Variants in RSF1 observed in about 807,000 individuals in gnomAD.
RSF1 encodes the protein remodeling and spacing factor 1, also known as HBV pX-associated protein 8.
In RSF1, 13 loss-of-function variants were observed where a neutral mutation model predicts 145.2. That is an observed-to-expected ratio of 0.09 (90% confidence interval 0.06 to 0.14). The LOEUF (loss-of-function observed/expected upper bound fraction) is 0.14, where lower values mean the gene tolerates loss of function less well. Among genes scored for constraint, RSF1 ranks in the 10% least tolerant of loss-of-function variants. RSF1 has a pLI of 1.00. For synonymous variants in RSF1, 577 were observed against 592.6 expected, an observed-to-expected ratio of 0.97 and a Z score of 0.38; for missense variants, 1,517 against 1,718.2, an observed-to-expected ratio of 0.88 and a Z score of 2.07.
chr11:77,852,560 C>T, the RSF1 span, among the ~76,000 whole-genome samples: 1 of 152,110 alleles, frequency 6.6e-6, no homozygotes, highest in Non-Finnish European at 1.5e-5. Flanking sequence ...GATTACAATT[C>T]AACATGAGAT....
chr11:77,812,229 A>G (rs1451380472), intron 1 of RSF1, among the ~76,000 whole-genome samples: 1 of 152,208 alleles, frequency 6.6e-6, no homozygotes, highest in Non-Finnish European at 1.5e-5. Flanking sequence ...TCCTTTTAAA[A>G]AGCCTCTTTA....
chr11:77,729,843 T>C (rs1961153637), intron 4 of RSF1, among the ~76,000 whole-genome samples: 1 of 128,904 alleles, frequency 7.8e-6, no homozygotes, highest in Admixed American at 8.7e-5. Context: ...GATTCCAGAG[T>C]TGAGAAACAA....
chr11:77,687,245 G>A (rs1960033752), intron 9 of RSF1, among the ~76,000 whole-genome samples: 1 of 152,164 alleles, frequency 6.6e-6, no homozygotes, highest in South Asian at 2.1e-4. Flanking sequence ...GATTATTAGG[G>A]AGAATCAGCA....
At chr11:77,777,581 G>A (rs1022075745) in intron 1 of RSF1, among the ~76,000 whole-genome samples, 3 of 152,064 alleles carry the variant, frequency 2.0e-5, no homozygotes, top group African/African-American at 4.8e-5. Flanking sequence ...CAACAAGAGC[G>A]AAACTCCGTC....
intron 9 of RSF1, among the ~76,000 whole-genome samples, chr11:77,688,107 A>G (rs1960057392): frequency 6.6e-6 from 1 of 152,172 alleles, no homozygotes; most frequent in Non-Finnish European, 1.5e-5. Flanking sequence ...CCTGGCCAAC[A>G]TGGTGAAATC....
At chr11:77,868,590 C>T in the RSF1 span, 1 of 152,180 alleles carries the variant, frequency 6.6e-6, no homozygotes, top group Non-Finnish European at 1.5e-5. Context: ...AACTCCTGAC[C>T]TCAGCCTCCC....
chr11:77,843,348 G>A, the RSF1 span, among the ~76,000 whole-genome samples: 3 of 152,174 alleles, frequency 2.0e-5, no homozygotes, highest in Admixed American at 1.3e-4. Context: ...AAACAAGGGA[G>A]CCTCTACCTT....
chr11:77,691,107 C>T lies in RSF1; in HGVS notation c.2900+52G>A, dbSNP rs191328686. 4,792 of 1,500,084 alleles carry T rather than the reference C, an allele frequency of 3.2e-3. 12 individuals are homozygous for T. The highest frequency in any genetic ancestry group is 3.8e-3 in the Non-Finnish European group (4,059 of 1,076,768). The allele number at this position is 1,500,084 out of a possible 1,614,324, so 92.9% of individuals were successfully genotyped here. A position where few individuals can be genotyped will look rare whatever the true frequency, so the allele number is the denominator to read the frequency against. On this transcript the variant is annotated intron_variant, in intron 9 of 15. Coordinates refer to ENST00000308488, the MANE Select transcript of RSF1 (RefSeq NM_016578.4). ...GGATCCATTTATCCATACAGTGAGA[C>T]AATTCTGCTCTCATATTCCCAAACA... is the stretch of plus-strand genomic sequence containing the variant.
At chr11:77,810,962 GC>G (rs1948725142) in intron 1 of RSF1, among the ~76,000 whole-genome samples, 1 of 152,080 alleles carries the variant, frequency 6.6e-6, no homozygotes, top group Non-Finnish European at 1.5e-5. Flanking sequence ...TTTCACCCAG[GC>G]TGGAGTGCAG....
chr11:77,692,630 C>T (rs150602648), intron 8 of RSF1, among the ~76,000 whole-genome samples: 21 of 151,490 alleles, frequency 1.4e-4, no homozygotes, highest in African/African-American at 5.1e-4. Context: ...CCTCCTGCCT[C>T]AGCCTCCCAA....
chr11:77,820,207 G>A (rs1290754606), intron 1 of RSF1, among the ~76,000 whole-genome samples: 1 of 152,136 alleles, frequency 6.6e-6, no homozygotes, highest in African/African-American at 2.4e-5. Flanking sequence ...GTGGGGGGCC[G>A]CCCTCCGCCG....
the RSF1 span, chr11:77,840,988 T>A: frequency 2.0e-6 from 1 of 512,268 alleles, no homozygotes; most frequent in Non-Finnish European, 3.5e-6. Flanking sequence ...TAATTTAAAA[T>A]TTATAATGAA....
intron 1 of RSF1, among the ~76,000 whole-genome samples, chr11:77,808,694 C>T (rs1948703013): frequency 7.3e-6 from 1 of 136,444 alleles, no homozygotes; most frequent in Non-Finnish European, 1.5e-5. Context: ...CCACTACGCC[C>T]GGCTAATTTT....
intron 10 of RSF1, among the ~76,000 whole-genome samples, chr11:77,684,855 C>T (rs570000570): frequency 3.9e-4 from 59 of 152,104 alleles, no homozygotes; most frequent in African/African-American, 1.3e-3. Context: ...GGTATGGTGG[C>T]GGGCACCTGT....
At chr11:77,863,629 T>G in the RSF1 span, among the ~76,000 whole-genome samples, 1 of 152,100 alleles carries the variant, frequency 6.6e-6, no homozygotes, top group African/African-American at 2.4e-5. Flanking sequence ...CCTCAAGAGA[T>G]CCACCCACCT....
chr11:77,852,399 C>G, the RSF1 span, among the ~76,000 whole-genome samples: 1 of 152,024 alleles, frequency 6.6e-6, no homozygotes, highest in Non-Finnish European at 1.5e-5. Context: ...TTGATTTTAA[C>G]TTTCTGAATC....
chr11:77,861,404 G>A, the RSF1 span, among the ~76,000 whole-genome samples: 1 of 152,198 alleles, frequency 6.6e-6, no homozygotes, highest in Admixed American at 6.5e-5. Flanking sequence ...CAGGACAGGA[G>A]AGTAAGACTG....
intron 4 of RSF1, 83 bp from the exon 5 acceptor site, chr11:77,725,782 A>C (rs1473704124): frequency 1.8e-6 from 2 of 1,125,374 alleles, no homozygotes; most frequent in Non-Finnish European, 1.2e-6. Context: ...TAGAAATTAA[A>C]ATAAAAAAAG....
At chr11:77,684,657 T>C (rs1371976595) in intron 10 of RSF1, among the ~76,000 whole-genome samples, 1 of 152,168 alleles carries the variant, frequency 6.6e-6, no homozygotes, top group Non-Finnish European at 1.5e-5. Flanking sequence ...TTCTCGAAGG[T>C]CTTAAATTTC....
Sources: allele counts gnomAD v4.1 joint callset (sites outside exome capture counted in the v4.1 genomes callset), GRCh38; gene constraint gnomAD v4.1.1; transcripts MANE v1.5; gene names NCBI Gene and HGNC (gene_info 2026-07-23, HGNC 2026-07-21).